The following PATJ variants were observed in gnomAD, a reference collection of about 807,000 sequenced individuals.
PATJ encodes the protein inaD-like protein.
Under a neutral mutation model 224.9 loss-of-function variants are expected in PATJ, and 190 were observed. That is an observed-to-expected ratio of 0.84 (90% CI 0.75 to 0.95). The LOEUF is 0.95. Among genes scored for constraint, PATJ ranks in the 40% least tolerant of loss-of-function variants. The probability of loss-of-function intolerance (pLI) is 0.00; values close to 1 mark genes in which losing one functional copy is unlikely to be tolerated. For synonymous variants in PATJ, 769 were observed against 820.3 expected (o/e 0.94, Z 1.07); for missense variants, 2,121 against 2,270.3 (o/e 0.93, Z 1.34).
intron 27 of PATJ, among the ~76,000 whole-genome samples, chr1:61,982,708 A>G (rs963456294): frequency 1.2e-4 from 18 of 152,072 alleles, no homozygotes; most frequent in African/African-American, 4.1e-4. Context: ...ACTATATGCT[A>G]GAAGACTTTT....
At position 62,136,687 on chromosome 1, in the gene PATJ, G is replaced by C. The variant is rs112014064; in HGVS notation, c.5271+7742G>C. 1.5e-3 allele frequency among the ~76,000 whole-genome samples: 224 copies of C among 146,510 alleles called. 1 individual carries two copies. The highest frequency in any genetic ancestry group is 2.6e-3 in the Non-Finnish European group (173 of 66,494). ...TGTCTGTGTGTGTGTGTGTGTGTGT[G>C]TGTGTCTGTGTGTGTGTGTGGTGTG... On this transcript the variant is annotated intron_variant, in intron 41 of 43. Coordinates refer to ENST00000642238, the MANE Select transcript of PATJ (RefSeq NM_001350145.3).
chr1:61,921,638 A>T (rs1408571910), intron 26 of PATJ, among the ~76,000 whole-genome samples: 1 of 152,204 alleles, frequency 6.6e-6, no homozygotes, highest in Non-Finnish European at 1.5e-5. Context: ...CCTTGGCCTC[A>T]AGGGGGCACT....
chr1:61,753,385 C>T (rs1277963980), intron 1 of PATJ, among the ~76,000 whole-genome samples: 1 of 152,046 alleles, frequency 6.6e-6, no homozygotes, highest in Non-Finnish European at 1.5e-5. Flanking sequence ...TCATTTTCTC[C>T]CCAAATTTCA....
At chr1:61,943,427 G>A (rs539797033) in intron 27 of PATJ, among the ~76,000 whole-genome samples, 1 of 152,162 alleles carries the variant, frequency 6.6e-6, no homozygotes, top group Non-Finnish European at 1.5e-5. Flanking sequence ...TTTAGCAAAC[G>A]GCATACCAGG....
intron 29 of PATJ, among the ~76,000 whole-genome samples, chr1:62,024,657 A>AAC (rs10605703): frequency 0.011 from 1,132 of 107,632 alleles, 13 homozygotes; most frequent in African/African-American, 0.011. Context: ...CCCACCTCCC[A>AAC]ACACACACAC....
rs200099799 is a variant in PATJ, at chr1:61,824,436, T to TTTG, written c.1818+1359_1818+1360insGTT. On this transcript the variant is annotated intron_variant, in intron 15 of 43. Coordinates refer to ENST00000642238, the MANE Select transcript of PATJ (RefSeq NM_001350145.3). ...CCGTTTTAACCTTTTTTCCTTTTTTTTTTTTTAGAGTCAGAGTCTCACCCT... is the reference window on the plus strand; with the variant it reads ...CCGTTTTAACCTTTTTTCCTTTTTTTTTGTTTTTTAGAGTCAGAGTCTCACCCT... Among the ~76,000 whole-genome samples, 1,449 of 150,664 alleles carry TTTG rather than the reference T, an allele frequency of 9.6e-3. 30 individuals carry two copies. Among genetic ancestry groups the TTTG allele is most frequent in the African/African-American group, 0.034 (1,396 of 40,984 alleles).
intron 27 of PATJ, among the ~76,000 whole-genome samples, chr1:61,962,313 G>A (rs1322669602): frequency 6.6e-6 from 1 of 152,162 alleles, no homozygotes; most frequent in Admixed American, 6.5e-5. Flanking sequence ...TGAGCAAATG[G>A]ATGAATAACA....
chr1:62,015,017 A>G (rs1023239084), intron 28 of PATJ, among the ~76,000 whole-genome samples: 7 of 152,126 alleles, frequency 4.6e-5, no homozygotes, highest in African/African-American at 1.7e-4. Flanking sequence ...ATAGAAACGT[A>G]TGCCGGGCGC....
chr1:62,009,818 C>T (rs1373878299), intron 28 of PATJ, among the ~76,000 whole-genome samples: 9 of 152,072 alleles, frequency 5.9e-5, no homozygotes. Flanking sequence ...GGCCTGGTGG[C>T]TCACGCCTGT....
chr1:62,032,937 A>G (rs1174041039), intron 29 of PATJ, among the ~76,000 whole-genome samples: 1 of 152,170 alleles, frequency 6.6e-6, no homozygotes, highest in Non-Finnish European at 1.5e-5. Context: ...ACTACCACAC[A>G]CTTATAAAAC....
At chr1:61,930,426 G>A (rs1675850744) in intron 27 of PATJ, among the ~76,000 whole-genome samples, 1 of 152,204 alleles carries the variant, frequency 6.6e-6, no homozygotes, top group Non-Finnish European at 1.5e-5. Context: ...CTTGTCCGAA[G>A]ACTAAGCCTT....
At chr1:61,981,448 A>G (rs1001323689) in intron 27 of PATJ, among the ~76,000 whole-genome samples, 2 of 152,040 alleles carry the variant, frequency 1.3e-5, no homozygotes, top group Non-Finnish European at 1.5e-5. Flanking sequence ...TGCAAGGTTC[A>G]TGGCTGAGAC....
intron 25 of PATJ, among the ~76,000 whole-genome samples, chr1:61,911,782 T>A (rs1003443340): frequency 6.8e-5 from 10 of 148,118 alleles, no homozygotes; most frequent in African/African-American, 2.5e-4. Context: ...TGTTTAAGAT[T>A]CTTCAGGACA....
chr1:61,835,506 T>C (rs1360813139), intron 17 of PATJ, among the ~76,000 whole-genome samples: 6 of 152,164 alleles, frequency 3.9e-5, no homozygotes, highest in African/African-American at 1.4e-4. Context: ...TGGGTTCAAG[T>C]GATTCTTGTG....
intron 7 of PATJ, among the ~76,000 whole-genome samples, chr1:61,776,880 A>C (rs541322534): frequency 1.0e-3 from 155 of 151,972 alleles, no homozygotes; most frequent in Non-Finnish European, 2.0e-3. Flanking sequence ...TGCCTGCCAC[A>C]ATGCCCAGCT....
chr1:61,998,017 TTA>T (rs557978392), intron 28 of PATJ, among the ~76,000 whole-genome samples: 40 of 124,860 alleles, frequency 3.2e-4, no homozygotes, highest in Non-Finnish European at 3.8e-4. Context: ...TATATATTAA[TTA>T]TATATAATAT....
chr1:61,856,348 T>C (rs755850821), intron 18 of PATJ, 109 bp downstream of exon 18: 1 of 826,324 alleles, frequency 1.2e-6, no homozygotes, highest in Non-Finnish European at 2.0e-6. Context: ...TACTGTTTAC[T>C]ATGTGTGTGA....
chr1:61,844,717 A>T (rs1661649898), intron 17 of PATJ, among the ~76,000 whole-genome samples: 5 of 152,052 alleles, frequency 3.3e-5, no homozygotes, highest in Admixed American at 3.3e-4. Flanking sequence ...CCCATGTGTC[A>T]GGGGAGGGAC....
chr1:62,106,079 TACACAC>T (rs1229837123), intron 33 of PATJ, among the ~76,000 whole-genome samples: 248 of 20,662 alleles, frequency 0.012, 8 homozygotes, highest in African/African-American at 0.03. Context: ...TATATATATA[TACACAC>T]ACACACACAC....
Sources: gnomAD v4.1 joint callset for allele counts (sites outside exome capture counted in the v4.1 genomes callset) on GRCh38, gnomAD v4.1.1 for gene constraint, MANE v1.5 for transcripts, NCBI Gene and HGNC (gene_info 2026-07-23, HGNC 2026-07-21) for gene names.